The following CYTH3 variants were observed in gnomAD, a reference collection of about 807,000 sequenced individuals.
CYTH3 encodes cytohesin 3, also known as cytohesin-3.
CYTH3 carries 23 observed loss-of-function variants against 55.1 expected under a neutral mutation model. The ratio of observed to expected loss-of-function variants is 0.42; its 90% CI spans 0.30 to 0.59. CYTH3 has a LOEUF of 0.59. Among genes scored for constraint, CYTH3 ranks in the 20% least tolerant of loss-of-function variants. The pLI, the probability that CYTH3 is intolerant of heterozygous loss-of-function variation, is 0.20. For synonymous variants in CYTH3, 249 were observed against 194.9 expected (o/e 1.28, Z -2.31); for missense variants, 413 against 524.8 (o/e 0.79, Z 2.08).
chr7:6,237,436 G>A (rs909038497), intron 1 of CYTH3, among the ~76,000 whole-genome samples: 4 of 152,168 alleles, frequency 2.6e-5, no homozygotes, highest in African/African-American at 9.7e-5. Flanking sequence ...GCAGCCCGGT[G>A]TGGTGGCTCA....
chr7:6,186,216 C>G (rs946477807), intron 4 of CYTH3, among the ~76,000 whole-genome samples: 1 of 147,528 alleles, frequency 6.8e-6, no homozygotes, highest in African/African-American at 2.5e-5. Flanking sequence ...TGCACTCCAG[C>G]CTGGGTGACA....
chr7:6,216,730 G>GA (rs1307227709), intron 1 of CYTH3, among the ~76,000 whole-genome samples: 3 of 151,514 alleles, frequency 2.0e-5, no homozygotes, highest in Non-Finnish European at 4.4e-5. Context: ...GACAGGGTGA[G>GA]ACCCCATCTC....
chr7:6,224,315 T>TAAAA (rs11458182), intron 1 of CYTH3, among the ~76,000 whole-genome samples: 1 of 86,642 alleles, frequency 1.2e-5, no homozygotes, highest in Non-Finnish European at 3.1e-5. Context: ...CAAAAATAGG[T>TAAAA]AAAAAAAAAA....
chr7:6,167,764 C>T lies in CYTH3; in HGVS notation c.824-1954G>A, dbSNP rs1442156653. Among the ~76,000 whole-genome samples, 2 of 152,236 alleles carry T rather than the reference C, an allele frequency of 1.3e-5. No individual in the cohort carries two copies. Among genetic ancestry groups the T allele is most frequent in the Non-Finnish European group, 2.9e-5 (2 of 68,038 alleles). On this transcript the variant is annotated intron_variant, in intron 9 of 12. Coordinates refer to ENST00000350796, the MANE Select transcript of CYTH3 (RefSeq NM_004227.4). The surrounding 1 kb of genome is among the most constrained non-coding windows in gnomAD (Gnocchi z 5.5). ...CCCCAGGTTGTGTGTTTCTGTCCAG[C>T]GCCTGCTCTCTTCCTCCACGCTCCC...
intron 1 of CYTH3, among the ~76,000 whole-genome samples, chr7:6,204,629 C>A (rs1048700256): frequency 6.6e-6 from 1 of 152,176 alleles, no homozygotes; most frequent in Non-Finnish European, 1.5e-5. Flanking sequence ...AGGATATGCA[C>A]GGACCTCCAT....
chr7:6,243,541 A>C (rs1779728372), intron 1 of CYTH3, among the ~76,000 whole-genome samples: 1 of 152,170 alleles, frequency 6.6e-6, no homozygotes, highest in South Asian at 2.1e-4. Context: ...TGGCATCTTA[A>C]GGGGATGGGT....
At chr7:6,272,359 T>G in intron 1 of CYTH3, 115 bp downstream of exon 1, 1 of 1,002,134 alleles carries the variant, frequency 1.0e-6, no homozygotes, top group Non-Finnish European at 1.2e-6. Context: ...CCGCTGCCGC[T>G]GCCCCCGACC....
intron 1 of CYTH3, among the ~76,000 whole-genome samples, chr7:6,204,537 G>C (rs1474889291): frequency 3.3e-5 from 5 of 152,296 alleles, no homozygotes; most frequent in Admixed American, 2.0e-4. Context: ...TCTAGTGTTC[G>C]TTCTCTAGAT....
intron 4 of CYTH3, among the ~76,000 whole-genome samples, chr7:6,186,072 A>G (rs375497722): frequency 4.2e-4 from 64 of 150,670 alleles, no homozygotes; most frequent in Middle Eastern, 3.4e-3. Context: ...GTGAAACCCC[A>G]TCTCTACTAA....
chr7:6,200,316 G>C (rs1784030015), intron 1 of CYTH3, among the ~76,000 whole-genome samples: 1 of 152,118 alleles, frequency 6.6e-6, no homozygotes, highest in Non-Finnish European at 1.5e-5. Flanking sequence ...GCAAACATAT[G>C]AGATCTTCCA....
chr7:6,170,993 G>A lies in CYTH3; in HGVS notation c.563-15C>T, dbSNP rs1218783267. ...GTAGCACGTGTCTGCAACGAGTCCG[G>A]GGTGCTGGGCTCAGCCAGAACCTCC... On this transcript the variant is annotated splice_polypyrimidine_tract_variant and intron_variant, in intron 7 of 12. Transcript: ENST00000350796. This position sits in a 1 kb window ranked among gnomAD's most constrained non-coding sequence, Gnocchi z 7.8. 1.2e-6 allele frequency: 2 copies of A among 1,613,310 alleles called. No individual in the cohort carries two copies. The highest frequency in any genetic ancestry group is 1.7e-6 in the Non-Finnish European group (2 of 1,179,818).
At chr7:6,222,309 C>T (rs1262164100) in intron 1 of CYTH3, among the ~76,000 whole-genome samples, 2 of 152,200 alleles carry the variant, frequency 1.3e-5, no homozygotes, top group African/African-American at 4.8e-5. Context: ...GTCGATAATG[C>T]CTAACTCTGT....
chr7:6,271,483 AG>A (rs924227315), intron 1 of CYTH3, among the ~76,000 whole-genome samples: 1 of 150,406 alleles, frequency 6.6e-6, no homozygotes, highest in Non-Finnish European at 1.5e-5. Context: ...GGAGATCTTC[AG>A]GAAAAAAAAA....
intron 1 of CYTH3, among the ~76,000 whole-genome samples, chr7:6,223,395 G>C (rs1369958073): frequency 6.6e-6 from 1 of 152,214 alleles, no homozygotes; most frequent in Non-Finnish European, 1.5e-5. Flanking sequence ...AAAAGAAAAG[G>C]GGGAAATGTG....
Position 6,167,213 on chromosome 7 carries a change from C to T in CYTH3, c.824-1403G>A, listed in dbSNP as rs1287208150. Reference sequence around the variant, plus strand: ...TCCATGCTCTCTGCAAGCCCTTGGCCTTCACCTTCCCCACCTCCACTGCAG... The same window carrying T: ...TCCATGCTCTCTGCAAGCCCTTGGCTTTCACCTTCCCCACCTCCACTGCAG... On this transcript the variant is annotated intron_variant, in intron 9 of 12. Coordinates refer to ENST00000350796, the MANE Select transcript of CYTH3 (RefSeq NM_004227.4). This position sits in a 1 kb window ranked among gnomAD's most constrained non-coding sequence, Gnocchi z 5.5. 6.6e-6 allele frequency among the ~76,000 whole-genome samples: 1 copy of T among 152,190 alleles called. No individual in the cohort carries two copies. The highest frequency in any genetic ancestry group is 1.5e-5 in the Non-Finnish European group (1 of 68,034).
intron 5 of CYTH3, among the ~76,000 whole-genome samples, chr7:6,176,888 A>G (rs1783365166): frequency 6.6e-6 from 1 of 152,186 alleles, no homozygotes; most frequent in Non-Finnish European, 1.5e-5. Context: ...AAGAAGTTCC[A>G]TGCCTGTCTT....
chr7:6,241,161 C>A (rs1351695644), intron 1 of CYTH3, among the ~76,000 whole-genome samples: 1 of 151,996 alleles, frequency 6.6e-6, no homozygotes, highest in East Asian at 1.9e-4. Flanking sequence ...TAAACACACA[C>A]ATGATCTTCT....
chr7:6,234,699 T>C (rs995162287), intron 1 of CYTH3, among the ~76,000 whole-genome samples: 9 of 152,128 alleles, frequency 5.9e-5, no homozygotes, highest in Non-Finnish European at 1.2e-4. Flanking sequence ...GGGAGAGCTG[T>C]AGCTCTAGGG....
chr7:6,229,189 T>G (rs931423308), intron 1 of CYTH3, among the ~76,000 whole-genome samples: 3 of 152,200 alleles, frequency 2.0e-5, no homozygotes, highest in Non-Finnish European at 4.4e-5. Flanking sequence ...TGCCAGCCTC[T>G]CCTTACTTGC....
Sources: allele counts gnomAD v4.1 joint callset (sites outside exome capture counted in the v4.1 genomes callset), GRCh38; gene constraint gnomAD v4.1.1; non-coding constraint Gnocchi (gnomAD v3.1); transcripts MANE v1.5; gene names NCBI Gene and HGNC (gene_info 2026-07-23, HGNC 2026-07-21).